Variants in MB observed in about 807,000 individuals in gnomAD.
The protein encoded by MB is myoglobin, also known as nitrite reductase MB.
Under a neutral mutation model 14.5 loss-of-function variants are expected in MB, and 10 were observed. The observed-to-expected ratio is 0.69, with a 90% CI of 0.43 to 1.17. The LOEUF is 1.17. Among genes scored for constraint, MB ranks in the 50% most tolerant of loss-of-function variants. MB has a pLI of 0.00. For missense variants in MB, 169 were observed against 192.7 expected (o/e 0.88, Z 0.73); for synonymous variants, 89 against 78.6 (o/e 1.13, Z -0.70).
At chr22:35,607,493 G>A (rs1478899675) in intron 2 of MB, 50 bp from the exon 3 acceptor site, 2 of 1,575,154 alleles carry the variant, frequency 1.3e-6, no homozygotes, top group Admixed American at 1.7e-5. Context: ...GGACAAGCCA[G>A]GGGCCAGATG....
At chr22:35,618,901 C>T (rs1209945488), upstream of MB, among the ~76,000 whole-genome samples, 2 of 151,540 alleles carry the variant, frequency 1.3e-5, no homozygotes, top group Non-Finnish European at 2.9e-5. Context: ...ATCACCCACC[C>T]ATCCCTCCAT....
At chr22:35,615,991 G>A (rs965770611) in intron 1 of MB, among the ~76,000 whole-genome samples, 29 of 152,178 alleles carry the variant, frequency 1.9e-4, no homozygotes, top group African/African-American at 7.0e-4. Flanking sequence ...CCATGCTCCC[G>A]AGGTAGACGG....
At position 35,607,310 on chromosome 22, in the gene MB, C is replaced by T; in HGVS notation, c.452G>A (p.Gly151Asp). Residue 151 changes from glycine (G) to aspartate (D), a missense_variant, in exon 3 of 3, where the codon GGC becomes GAC. Transcript: ENST00000397326. ...AGCGGCAGGGGCCTAGCCCTGGAAG[C>T]CCAGCTCCTTGTAGTTGGAGGCCAT... is the stretch of plus-strand genomic sequence containing the variant. Reference protein sequence around the residue: ...KDMASNYKELGFQG With the variant: ...KDMASNYKELDFQG 6.2e-7 allele frequency: 1 copy of T among 1,613,284 alleles called. No homozygotes were observed. Among genetic ancestry groups the T allele is most frequent in the Non-Finnish European group, 8.5e-7 (1 of 1,179,370 alleles).
chr22:35,617,759 G>A (rs577227914), upstream of MB, among the ~76,000 whole-genome samples: 49 of 152,198 alleles, frequency 3.2e-4, no homozygotes, highest in Non-Finnish European at 5.9e-4. Context: ...AACCTCTCAC[G>A]CACCTTCTGC....
At position 35,608,995 on chromosome 22, in the gene MB, T is replaced by G. The variant is rs1922372476; in HGVS notation, c.319-1552A>C. On this transcript the variant is annotated intron_variant, in intron 2 of 2. Coordinates refer to ENST00000397326, the MANE Select transcript of MB (RefSeq NM_005368.3). This position sits in a 1 kb window ranked among gnomAD's most constrained non-coding sequence, Gnocchi z 4.3. The stretch of plus-strand genomic sequence containing the variant: ...CAGACATCTGGGCTCTGTCTCAATT[T>G]TTTGCAGAGGTTATGCATCAGATTA... Among the ~76,000 whole-genome samples the G allele has an allele frequency of 6.6e-6, 1 of 152,168 alleles. No individual in the cohort carries two copies. Among genetic ancestry groups the G allele is most frequent in the East Asian group, 1.9e-4 (1 of 5,184 alleles).
At chr22:35,617,111 C>T (rs1923130517) in intron 1 of MB, 52 bp downstream of exon 1, 1 of 1,435,136 alleles carries the variant, frequency 7.0e-7, no homozygotes, top group Non-Finnish European at 9.8e-7. Flanking sequence ...CAGCTGAACA[C>T]CCTTGATCTT....
At chr22:35,615,087 G>T (rs1395726998) in intron 1 of MB, among the ~76,000 whole-genome samples, 2 of 152,210 alleles carry the variant, frequency 1.3e-5, no homozygotes, top group East Asian at 3.8e-4. Flanking sequence ...TGTACGTGCA[G>T]TGAAGGCCTC....
chr22:35,618,145 C>T (rs1237128221), upstream of MB, among the ~76,000 whole-genome samples: 1 of 152,176 alleles, frequency 6.6e-6, no homozygotes, highest in African/African-American at 2.4e-5. Flanking sequence ...CGCAAGACCT[C>T]CCAATGTGAT....
In MB at chr22:35,607,104, C is replaced by T. The variant is rs1032777828; in HGVS notation, c.*193G>A. On this transcript the variant is annotated 3_prime_UTR_variant, in exon 3 of 3. Coordinates refer to ENST00000397326, the MANE Select transcript of MB (RefSeq NM_005368.3). ...CTCCCGGTTCCCAGGGTGATGACAT[C>T]CCACAGGGAGGCGCATCGCTGGGCA... is the stretch of plus-strand genomic sequence containing the variant. 3.7e-6 allele frequency: 2 copies of T among 542,568 alleles called. No homozygotes were observed. The highest frequency in any genetic ancestry group is 3.1e-5 in the Admixed American group (1 of 31,936). The allele number at this position is 542,568 out of a possible 1,614,324, so 33.6% of individuals were successfully genotyped here.
chr22:35,621,914 G>A (rs1228143437), upstream of MB: 1 of 152,158 alleles, frequency 6.6e-6, no homozygotes, highest in Non-Finnish European at 1.5e-5. Context: ...TCTCACCTCT[G>A]GTCACATGCA....
chr22:35,620,641 G>A (rs59966729), upstream of MB, among the ~76,000 whole-genome samples: 866 of 152,346 alleles, frequency 5.7e-3, 11 homozygotes, highest in African/African-American at 0.017. Context: ...TGCCTGGTGC[G>A]CTGGGGAAGG....
At chr22:35,611,596 A>G (rs892138282) in intron 1 of MB, among the ~76,000 whole-genome samples, 2 of 152,182 alleles carry the variant, frequency 1.3e-5, no homozygotes, top group Admixed American at 1.3e-4. Context: ...ACTCCAGAGC[A>G]ATCCTCACAC....
chr22:35,620,575 G>A (rs1336176886), upstream of MB, among the ~76,000 whole-genome samples: 1 of 152,214 alleles, frequency 6.6e-6, no homozygotes, highest in Non-Finnish European at 1.5e-5. Context: ...TGTGAGAGAG[G>A]AGGGCAGAAA....
At chr22:35,615,921 G>A (rs969484796) in intron 1 of MB, among the ~76,000 whole-genome samples, 4 of 152,146 alleles carry the variant, frequency 2.6e-5, no homozygotes, top group African/African-American at 9.7e-5. Flanking sequence ...TCTTCCTCAA[G>A]TGTTTCTAGC....
chr22:35,621,006 A>G (rs1601848926), upstream of MB, among the ~76,000 whole-genome samples: 1 of 152,350 alleles, frequency 6.6e-6, no homozygotes, highest in East Asian at 1.9e-4. Context: ...AGGCACCGAC[A>G]TCTGTTTGTA....
upstream of MB, chr22:35,617,478 C>A: frequency 1.8e-6 from 1 of 566,472 alleles, no homozygotes; most frequent in Non-Finnish European, 3.1e-6. Flanking sequence ...CTAGCCCTCA[C>A]ATGGGAAGCT....
At chr22:35,611,633 C>A (rs1922637636) in intron 1 of MB, among the ~76,000 whole-genome samples, 1 of 152,174 alleles carries the variant, frequency 6.6e-6, no homozygotes, top group East Asian at 1.9e-4. Context: ...TGTTTTGAGC[C>A]CAAGCTGTGA....
At chr22:35,612,531 G>C (rs1357894727) in intron 1 of MB, among the ~76,000 whole-genome samples, 1 of 152,108 alleles carries the variant, frequency 6.6e-6, no homozygotes, top group Non-Finnish European at 1.5e-5. Context: ...TCCATGTTAG[G>C]CAGGATGGTC....
At position 35,609,785 on chromosome 22, in the gene MB, G is replaced by A. The variant is rs116138889; in HGVS notation, c.318+1099C>T. Among the ~76,000 whole-genome samples, 753 of 152,332 alleles carry A rather than the reference G, an allele frequency of 4.9e-3. 2 individuals are homozygous for A. Among genetic ancestry groups the A allele is most frequent in the African/African-American group, 0.017 (723 of 41,568 alleles). Reference sequence around the variant, plus strand: ...TGGTAACAGAACACTAGTTGTATTTGGAGGGGTGATAGACTACCTTTCCCA... The same window carrying A: ...TGGTAACAGAACACTAGTTGTATTTAGAGGGGTGATAGACTACCTTTCCCA... On this transcript the variant is annotated intron_variant, in intron 2 of 2. Transcript: ENST00000397326.
Sources: allele counts gnomAD v4.1 joint callset (sites outside exome capture counted in the v4.1 genomes callset), GRCh38; gene constraint gnomAD v4.1.1; non-coding constraint Gnocchi (gnomAD v3.1); transcripts MANE v1.5; gene names NCBI Gene and HGNC (gene_info 2026-07-23, HGNC 2026-07-21).